Variants in SMG6 observed in about 807,000 individuals in gnomAD.
The protein encoded by SMG6 is telomerase-binding protein EST1A.
In SMG6, 66 loss-of-function variants were observed where a neutral mutation model predicts 142.2. The observed-to-expected ratio is 0.46, with a 90% CI of 0.38 to 0.57. SMG6 has a LOEUF of 0.57. SMG6 is among the 20% of genes least tolerant of loss of function. The pLI is 0.00. For missense variants in SMG6, 1,793 were observed against 1,832.0 expected, an observed-to-expected ratio of 0.98 and a Z score of 0.39; for synonymous variants, 779 against 702.4, an observed-to-expected ratio of 1.11 and a Z score of -1.72.
At chr17:2,175,826 T>C (rs1439331470) in intron 12 of SMG6, among the ~76,000 whole-genome samples, 4 of 152,222 alleles carry the variant, frequency 2.6e-5, no homozygotes, top group Non-Finnish European at 5.9e-5. Context: ...TCACTTCTGC[T>C]CTGGTTAATT....
chr17:2,112,371 C>A (rs371702149), intron 13 of SMG6, among the ~76,000 whole-genome samples: 2 of 151,120 alleles, frequency 1.3e-5, no homozygotes, highest in South Asian at 4.2e-4. Context: ...AGCCAGGCGT[C>A]GTGGCGGGCG....
intron 13 of SMG6, among the ~76,000 whole-genome samples, chr17:2,114,990 A>AAAAAAATGAAATGAAATG (rs2069462008): frequency 6.8e-6 from 1 of 146,182 alleles, no homozygotes; most frequent in Non-Finnish European, 1.5e-5. Flanking sequence ...AAAATAAAAT[A>AAAAAAATGAAATGAAATG]AAATAAAATA....
intron 13 of SMG6, among the ~76,000 whole-genome samples, chr17:2,123,434 T>C (rs1362759392): frequency 6.6e-6 from 1 of 152,202 alleles, no homozygotes; most frequent in African/African-American, 2.4e-5. Context: ...AATGGAAGTG[T>C]GTTAACGGCA....
intron 16 of SMG6, among the ~76,000 whole-genome samples, chr17:2,066,937 A>G (rs2067969800): frequency 6.6e-6 from 1 of 152,260 alleles, no homozygotes; most frequent in South Asian, 2.1e-4. Flanking sequence ...AGCACAGAGC[A>G]GGTTAAAGAG....
chr17:2,106,592 G>A (rs1196768406), intron 13 of SMG6, among the ~76,000 whole-genome samples: 5 of 152,178 alleles, frequency 3.3e-5, no homozygotes, highest in Non-Finnish European at 5.9e-5. Context: ...GAGGACAAGG[G>A]AAAGGCTGTC....
At chr17:2,267,236 A>G (rs2074440191) in intron 8 of SMG6, among the ~76,000 whole-genome samples, 2 of 152,076 alleles carry the variant, frequency 1.3e-5, no homozygotes, top group East Asian at 3.9e-4. Flanking sequence ...GCAGGGTCTC[A>G]CTCTGTAACC....
At chr17:2,178,759 G>A (rs1312801005) in intron 12 of SMG6, among the ~76,000 whole-genome samples, 2 of 152,172 alleles carry the variant, frequency 1.3e-5, no homozygotes, top group African/African-American at 4.8e-5. Context: ...AAACCCATCA[G>A]CACTGTATGT....
intron 13 of SMG6, among the ~76,000 whole-genome samples, chr17:2,115,526 T>C (rs1337054069): frequency 6.6e-6 from 1 of 152,122 alleles, no homozygotes; most frequent in Non-Finnish European, 1.5e-5. Flanking sequence ...AGATACAGTA[T>C]AGAAATAGAC....
intron 15 of SMG6, among the ~76,000 whole-genome samples, chr17:2,075,526 G>T (rs2068233359): frequency 6.6e-6 from 1 of 152,228 alleles, no homozygotes; most frequent in African/African-American, 2.4e-5. Flanking sequence ...GAGAGGCAGT[G>T]AGGAAGCGGG....
intron 8 of SMG6, among the ~76,000 whole-genome samples, chr17:2,256,816 T>A (rs974686678): frequency 9.2e-5 from 14 of 152,076 alleles, no homozygotes; most frequent in African/African-American, 3.4e-4. Flanking sequence ...ATTAAATAGG[T>A]TATCCAGGCA....
intron 13 of SMG6, among the ~76,000 whole-genome samples, chr17:2,124,466 G>C (rs1470286437): frequency 6.6e-6 from 1 of 152,226 alleles, no homozygotes; most frequent in Non-Finnish European, 1.5e-5. Flanking sequence ...CTGGCCTAAA[G>C]TGGATTGGAG....
At chr17:2,185,582 GC>G (rs1446631405) in intron 12 of SMG6, among the ~76,000 whole-genome samples, 1 of 151,978 alleles carries the variant, frequency 6.6e-6, no homozygotes, top group Non-Finnish European at 1.5e-5. Context: ...TCCAACACCT[GC>G]CCCCGCCCCC....
At chr17:2,196,886 G>A (rs1009469133) in intron 10 of SMG6, among the ~76,000 whole-genome samples, 4 of 152,018 alleles carry the variant, frequency 2.6e-5, no homozygotes, top group African/African-American at 7.2e-5. Flanking sequence ...TTAAAAGGAG[G>A]AATATCTTTT....
chr17:2,160,061 C>T (rs1028520423), intron 13 of SMG6, among the ~76,000 whole-genome samples: 1 of 152,088 alleles, frequency 6.6e-6, no homozygotes, highest in Non-Finnish European at 1.5e-5. Flanking sequence ...AGGAAATATT[C>T]TATACCTTGA....
At chr17:2,193,090 C>T (rs1466389) in intron 10 of SMG6, among the ~76,000 whole-genome samples, 48,128 of 152,048 alleles carry the variant, frequency 0.32, 8,140 homozygotes, top group Admixed American at 0.38. Context: ...CCAAATCTCA[C>T]GTCGAATTGT....
At chr17:2,130,641 T>C (rs1180497928) in intron 13 of SMG6, among the ~76,000 whole-genome samples, 1 of 151,966 alleles carries the variant, frequency 6.6e-6, no homozygotes, top group East Asian at 1.9e-4. Context: ...AAGAAAAATA[T>C]GTTGGTATAT....
At chr17:2,173,001 C>G (rs985258123) in intron 12 of SMG6, 142 bp from the exon 13 acceptor site, 20 of 771,504 alleles carry the variant, frequency 2.6e-5, no homozygotes, top group Non-Finnish European at 3.8e-5. Flanking sequence ...CCCAAAAATG[C>G]TAGGAAACAA....
At chr17:2,268,699 A>C (rs944598835) in intron 8 of SMG6, among the ~76,000 whole-genome samples, 4 of 152,146 alleles carry the variant, frequency 2.6e-5, no homozygotes, top group Admixed American at 6.5e-5. Flanking sequence ...ATCACAAGGT[A>C]AGGAGATCGA....
At chr17:2,162,061 C>G (rs759976927) in intron 13 of SMG6, among the ~76,000 whole-genome samples, 3 of 152,134 alleles carry the variant, frequency 2.0e-5, no homozygotes, top group African/African-American at 4.8e-5. Context: ...TATAAAACAT[C>G]TAATGATTGA....
Sources: gnomAD v4.1 joint callset for allele counts (sites outside exome capture counted in the v4.1 genomes callset) on GRCh38, gnomAD v4.1.1 for gene constraint, MANE v1.5 for transcripts, NCBI Gene and HGNC (gene_info 2026-07-23, HGNC 2026-07-21) for gene names.